MGAT5: variants seen among roughly 807,000 people sequenced by gnomAD.
MGAT5 encodes the protein alpha-1,6-mannosylglycoprotein 6-beta-N-acetylglucosaminyltransferase A.
MGAT5 carries 30 observed loss-of-function variants against 94.3 expected under a neutral mutation model. That is an observed-to-expected ratio of 0.32 (90% CI 0.24 to 0.43). The LOEUF (loss-of-function observed/expected upper bound fraction) is 0.43. MGAT5 is among the 20% of genes least tolerant of loss of function. The pLI, the probability that MGAT5 is intolerant of heterozygous loss-of-function variation, is 1.00. For missense variants in MGAT5, 691 were observed against 905.5 expected (o/e 0.76, Z 3.04); for synonymous variants, 310 against 322.9 (o/e 0.96, Z 0.43).
intron 2 of MGAT5, among the ~76,000 whole-genome samples, chr2:134,306,578 G>A (rs562621482): frequency 6.6e-6 from 1 of 152,202 alleles, no homozygotes; most frequent in South Asian, 2.1e-4. Flanking sequence ...GTGTGGTGCA[G>A]GCAATCTCTC....
At chr2:134,390,364 T>C (rs77660500) in intron 10 of MGAT5, among the ~76,000 whole-genome samples, 1,790 of 150,024 alleles carry the variant, frequency 0.012, 33 homozygotes, top group African/African-American at 0.041. Flanking sequence ...GTTTGTTTGT[T>C]TTTTTATTAT....
rs142212319 is a variant in MGAT5 at position 134,378,023 on chromosome 2, G to A, written c.1380+15615G>A. Among the ~76,000 whole-genome samples the A allele has an allele frequency of 2.9e-3, 449 of 152,294 alleles. 3 individuals are homozygous for A. Among genetic ancestry groups the A allele is most frequent in the African/African-American group, 0.01 (418 of 41,556 alleles). The stretch of plus-strand genomic sequence containing the variant: ...AAACACGTTGTTTCCTGGCCTTGGC[G>A]TGGAGGGTCAGCCAGTGTACCAGTT... On this transcript the variant is annotated intron_variant, in intron 10 of 15. Transcript: ENST00000281923.
At chr2:134,166,165 G>C (rs1459647177) in intron 1 of MGAT5, among the ~76,000 whole-genome samples, 2 of 152,154 alleles carry the variant, frequency 1.3e-5, no homozygotes, top group African/African-American at 4.8e-5. Flanking sequence ...CACACGTATT[G>C]AGCCAGGAGT....
intron 1 of MGAT5, among the ~76,000 whole-genome samples, chr2:134,150,453 A>C (rs543939667): frequency 6.6e-6 from 1 of 152,292 alleles, no homozygotes; most frequent in South Asian, 2.1e-4. Context: ...GACAGCCATG[A>C]CACCAAGCAA....
intron 1 of MGAT5, among the ~76,000 whole-genome samples, chr2:134,158,312 C>T (rs1158948621): frequency 9.2e-5 from 14 of 152,240 alleles, no homozygotes; most frequent in Non-Finnish European, 1.5e-4. Context: ...AGGCCCATAC[C>T]GAGCCACCCT....
chr2:134,364,507 A>AG (rs1482621686), intron 10 of MGAT5, among the ~76,000 whole-genome samples: 3 of 152,078 alleles, frequency 2.0e-5, no homozygotes, highest in Admixed American at 2.0e-4. Flanking sequence ...TCTCAAAAAA[A>AG]AAAGGAATCC....
At chr2:134,284,014 C>T (rs1453090476) in intron 2 of MGAT5, among the ~76,000 whole-genome samples, 3 of 152,168 alleles carry the variant, frequency 2.0e-5, no homozygotes, top group African/African-American at 4.8e-5. Flanking sequence ...ATTAAGCCCA[C>T]TGCTGACAGA....
chr2:134,346,908 G>A (rs1289851263), intron 8 of MGAT5, among the ~76,000 whole-genome samples: 2 of 152,092 alleles, frequency 1.3e-5, no homozygotes, highest in Non-Finnish European at 2.9e-5. Flanking sequence ...AGAAATTAGG[G>A]CATGGCAAGG....
chr2:134,447,536 C>T (rs1222138182), intron 15 of MGAT5, among the ~76,000 whole-genome samples: 6 of 152,220 alleles, frequency 3.9e-5, no homozygotes, highest in Non-Finnish European at 2.9e-5. Flanking sequence ...GGCCACACAG[C>T]TCCTAAAAGA....
chr2:134,300,922 C>G lies in MGAT5; in HGVS notation c.407-16607C>G, dbSNP rs534189236. ...ACAGCCCAGTTCTTAAGTATACAAC[C>G]TGATGAGTTTTAATAAATGTATATA... On this transcript the variant is annotated intron_variant, in intron 2 of 15. Coordinates refer to ENST00000281923, the MANE Select transcript of MGAT5 (RefSeq NM_002410.5). Among the ~76,000 whole-genome samples the G allele has an allele frequency of 3.9e-5, 6 of 152,232 alleles. No homozygotes were observed. In the South Asian group the frequency reaches 1.2e-3, roughly 32 times the overall value.
chr2:134,162,952 C>A (rs1218387140), intron 1 of MGAT5, among the ~76,000 whole-genome samples: 1 of 152,118 alleles, frequency 6.6e-6, no homozygotes, highest in Non-Finnish European at 1.5e-5. Context: ...AACTTAGGAG[C>A]ATGAATAGAA....
chr2:134,262,224 T>G (rs1272974739), intron 1 of MGAT5, among the ~76,000 whole-genome samples: 5 of 152,186 alleles, frequency 3.3e-5, no homozygotes, highest in Admixed American at 2.0e-4. Context: ...TTTTTTGGTG[T>G]TGTTTTTGTT....
intron 1 of MGAT5, among the ~76,000 whole-genome samples, chr2:134,159,662 C>T (rs1687642028): frequency 6.6e-6 from 1 of 152,114 alleles, no homozygotes; most frequent in African/African-American, 2.4e-5. Flanking sequence ...CCAGCCTGGC[C>T]AACATGGGGA....
chr2:134,256,113 T>G (rs1272653046), intron 1 of MGAT5, among the ~76,000 whole-genome samples: 1 of 152,198 alleles, frequency 6.6e-6, no homozygotes, highest in African/African-American at 2.4e-5. Flanking sequence ...TTTTAATATA[T>G]CTAAAAAAAT....
intron 4 of MGAT5, among the ~76,000 whole-genome samples, chr2:134,322,622 A>G (rs112586667): frequency 1.1e-4 from 17 of 152,288 alleles, no homozygotes; most frequent in African/African-American, 3.8e-4. Context: ...GATGTTTTGT[A>G]AAACCGATTA....
chr2:134,154,213 C>T (rs899386200), intron 1 of MGAT5, among the ~76,000 whole-genome samples: 5 of 152,176 alleles, frequency 3.3e-5, no homozygotes, highest in Non-Finnish European at 7.3e-5. Context: ...GAACGGATGG[C>T]ACGCAGGAAA....
intron 1 of MGAT5, among the ~76,000 whole-genome samples, chr2:134,238,244 T>C (rs1051030576): frequency 6.6e-6 from 1 of 152,132 alleles, no homozygotes; most frequent in African/African-American, 2.4e-5. Context: ...TGTGCCTCAA[T>C]TTTCCCTACT....
At chr2:134,270,617 G>T (rs971904601) in intron 2 of MGAT5, 67 bp downstream of exon 2, 110 of 1,497,190 alleles carry the variant, frequency 7.3e-5, no homozygotes, top group Non-Finnish European at 9.0e-5. Context: ...AGAGAATAAA[G>T]GAGAGCAGTG....
chr2:134,143,144 C>T (rs183495365), intron 1 of MGAT5, among the ~76,000 whole-genome samples: 5 of 151,974 alleles, frequency 3.3e-5, no homozygotes, highest in African/African-American at 9.7e-5. Flanking sequence ...TAGGTGAACC[C>T]GCAGAGACAG....
Sources: allele counts gnomAD v4.1 joint callset (sites outside exome capture counted in the v4.1 genomes callset), GRCh38; gene constraint gnomAD v4.1.1; transcripts MANE v1.5; gene names NCBI Gene and HGNC (gene_info 2026-07-23, HGNC 2026-07-21).